PRKAR2B: variants seen among roughly 807,000 people sequenced by gnomAD.
PRKAR2B encodes the protein protein kinase cAMP-dependent type II regulatory subunit beta, also known as cAMP-dependent protein kinase type II-beta regulatory subunit.
In PRKAR2B, 14 loss-of-function variants were observed where a neutral mutation model predicts 49.9. The observed-to-expected ratio is 0.28, with a 90% CI of 0.19 to 0.44. The LOEUF is 0.44. PRKAR2B is among the 20% of genes least tolerant of loss of function. PRKAR2B has a pLI of 1.00. For synonymous variants in PRKAR2B, 196 were observed against 197.7 expected (o/e 0.99, Z 0.07); for missense variants, 393 against 537.9 (o/e 0.73, Z 2.67).
rs140809659 is a variant in PRKAR2B, at chr7:107,046,242, A to G, written c.307+1028A>G. Among the ~76,000 whole-genome samples, 223 of 152,320 alleles carry G rather than the reference A, an allele frequency of 1.5e-3. 1 individual carries two copies. The highest frequency in any genetic ancestry group is 5.1e-3 in the African/African-American group (213 of 41,562). On this transcript the variant is annotated intron_variant, in intron 1 of 10. Transcript: ENST00000265717. ...CCCAAGCTAAAATACCATGGAGTGC[A>G]GTGTGCAAGTGTTTTCTCTTTGTGG... is the stretch of plus-strand genomic sequence containing the variant.
chr7:107,120,866 T>G (rs1455272761), intron 2 of PRKAR2B, among the ~76,000 whole-genome samples: 1 of 151,740 alleles, frequency 6.6e-6, no homozygotes, highest in Non-Finnish European at 1.5e-5. Context: ...ATGAAAAAAC[T>G]AATTTAAGTC....
chr7:107,113,768 C>T (rs934555425), intron 2 of PRKAR2B, among the ~76,000 whole-genome samples: 1 of 152,160 alleles, frequency 6.6e-6, no homozygotes, highest in Non-Finnish European at 1.5e-5. Flanking sequence ...CCGTGGATTA[C>T]ATGCACCTGT....
intron 8 of PRKAR2B, 27 bp downstream of exon 8, chr7:107,153,278 T>TTTAGGG: frequency 2.0e-6 from 3 of 1,536,210 alleles, no homozygotes; most frequent in Non-Finnish European, 2.7e-6. Context: ...TGTAATTCAG[T>TTTAGGG]TTAGGGTTAT....
At chr7:107,133,528 G>A (rs898404413) in intron 4 of PRKAR2B, 8 of 152,136 alleles carry the variant, frequency 5.3e-5, no homozygotes, top group African/African-American at 1.9e-4. Context: ...TGCCTGAGTT[G>A]ATGAACTCAT....
At chr7:107,100,100 A>G (rs988206768) in intron 2 of PRKAR2B, among the ~76,000 whole-genome samples, 2 of 150,518 alleles carry the variant, frequency 1.3e-5, no homozygotes, top group African/African-American at 4.9e-5. Context: ...GGTGCTCTTT[A>G]TTTCTTCCTG....
At chr7:107,106,979 C>T (rs1483225342) in intron 2 of PRKAR2B, among the ~76,000 whole-genome samples, 2 of 152,146 alleles carry the variant, frequency 1.3e-5, no homozygotes, top group Admixed American at 6.5e-5. Context: ...CATAAGGGGC[C>T]TCTCCTCATT....
chr7:107,055,402 T>G (rs1372207294), intron 1 of PRKAR2B, among the ~76,000 whole-genome samples: 1 of 152,252 alleles, frequency 6.6e-6, no homozygotes, highest in Non-Finnish European at 1.5e-5. Flanking sequence ...ACTTCCACAA[T>G]GGTTGAACTA....
At chr7:107,144,660 T>C (rs959315800) in intron 5 of PRKAR2B, among the ~76,000 whole-genome samples, 2 of 150,260 alleles carry the variant, frequency 1.3e-5, no homozygotes, top group Non-Finnish European at 3.0e-5. Context: ...AGAGTCTTGC[T>C]ATGTTGCCCA....
rs559724687 is a variant in PRKAR2B, at chr7:107,108,159, C to T, written c.344-13793C>T. Among the ~76,000 whole-genome samples the T allele has an allele frequency of 1.4e-4, 22 of 152,088 alleles. No individual in the cohort carries two copies. The East Asian group carries it at 4.3e-3, about 30-fold the overall frequency. On this transcript the variant is annotated intron_variant, in intron 2 of 10. Transcript: ENST00000265717. ...AAACCCAGAGCATCCAGGAGTTGGC[C>T]CATCATGAACCCCAAAGGCACGAGA...
chr7:107,146,198 A>T, intron 5 of PRKAR2B, 110 bp from the exon 6 acceptor site: 1 of 1,129,236 alleles, frequency 8.9e-7, no homozygotes, highest in South Asian at 1.6e-5. Context: ...ATCGGAGGGG[A>T]TAACAGGCTG....
chr7:107,153,635 A>C (rs903575135), intron 8 of PRKAR2B, among the ~76,000 whole-genome samples: 7 of 152,200 alleles, frequency 4.6e-5, no homozygotes, highest in African/African-American at 1.7e-4. Context: ...TCCTTGATAA[A>C]ATTCACCAAG....
intron 2 of PRKAR2B, among the ~76,000 whole-genome samples, chr7:107,111,063 C>G (rs1795162275): frequency 6.6e-6 from 1 of 152,180 alleles, no homozygotes; most frequent in African/African-American, 2.4e-5. Flanking sequence ...GCATCCCACG[C>G]TAGGCACCCT....
At chr7:107,145,447 T>A in intron 5 of PRKAR2B, among the ~76,000 whole-genome samples, 1 of 152,206 alleles carries the variant, frequency 6.6e-6, no homozygotes, top group Non-Finnish European at 1.5e-5. Flanking sequence ...ACAAAAGTAA[T>A]AATATGTTCA....
rs146016224 is a variant in PRKAR2B, at chr7:107,144,366, G to A, written c.588-1942G>A. ...CTCCTAAAGTTCTGGGATTACAGGC[G>A]TGAACCACTGTGCCTGGCCATGAAA... On this transcript the variant is annotated intron_variant, in intron 5 of 10. Coordinates refer to ENST00000265717, the MANE Select transcript of PRKAR2B (RefSeq NM_002736.3). Among the ~76,000 whole-genome samples the A allele has an allele frequency of 1.2e-3, 187 of 152,028 alleles. 1 individual carries two copies. The highest frequency in any genetic ancestry group is 2.4e-3 in the Non-Finnish European group (163 of 67,982).
intron 8 of PRKAR2B, among the ~76,000 whole-genome samples, chr7:107,153,676 G>A (rs1324829349): frequency 6.6e-6 from 1 of 152,042 alleles, no homozygotes; most frequent in Non-Finnish European, 1.5e-5. Context: ...ATACTGTTTT[G>A]GCTTCCAAGA....
At chr7:107,126,885 G>A (rs923297524) in intron 3 of PRKAR2B, among the ~76,000 whole-genome samples, 1 of 151,976 alleles carries the variant, frequency 6.6e-6, no homozygotes, top group Non-Finnish European at 1.5e-5. Flanking sequence ...ATGAATATTG[G>A]GCAGATAGTA....
At chr7:107,047,414 A>G (rs530642180) in intron 1 of PRKAR2B, among the ~76,000 whole-genome samples, 2 of 151,866 alleles carry the variant, frequency 1.3e-5, no homozygotes, top group African/African-American at 4.8e-5. Context: ...TTAGGGCAAC[A>G]TGTGGTCTTG....
At chr7:107,114,606 G>A (rs1413434607) in intron 2 of PRKAR2B, among the ~76,000 whole-genome samples, 2 of 150,576 alleles carry the variant, frequency 1.3e-5, no homozygotes, top group Admixed American at 6.6e-5. Context: ...CTGACTTTAG[G>A]TGATACACCT....
At chr7:107,122,094 A>C in intron 3 of PRKAR2B, 90 bp downstream of exon 3, 1 of 814,390 alleles carries the variant, frequency 1.2e-6, no homozygotes, top group Non-Finnish European at 1.9e-6. Context: ...ACAGGCATGT[A>C]GGTTAACAGG....
Sources: gnomAD v4.1 joint callset for allele counts (sites outside exome capture counted in the v4.1 genomes callset) on GRCh38, gnomAD v4.1.1 for gene constraint, MANE v1.5 for transcripts, NCBI Gene and HGNC (gene_info 2026-07-23, HGNC 2026-07-21) for gene names.